The following KIAA1217 variants were observed in gnomAD, a reference collection of about 807,000 sequenced individuals.
The protein encoded by KIAA1217 is sickle tail protein homolog.
KIAA1217 carries 88 observed loss-of-function variants against 163.9 expected under a neutral mutation model. The ratio of observed to expected loss-of-function variants is 0.54; its 90% CI spans 0.45 to 0.64. The LOEUF (loss-of-function observed/expected upper bound fraction) is 0.64. Ranked by LOEUF, KIAA1217 falls within the 30% of genes least tolerant of loss-of-function variation. KIAA1217 has a pLI of 0.00. For synonymous variants in KIAA1217, 903 were observed against 923.1 expected (o/e 0.98, Z 0.39); for missense variants, 2,372 against 2,475.0 (o/e 0.96, Z 0.88).
chr10:24,065,333 G>T (rs1303523388), intron 2 of KIAA1217, among the ~76,000 whole-genome samples: 1 of 152,000 alleles, frequency 6.6e-6, no homozygotes, highest in Admixed American at 6.6e-5. Context: ...AGAGATTCTG[G>T]TATGTTGTGT....
chr10:23,945,485 A>G (rs1299756257), intron 1 of KIAA1217, among the ~76,000 whole-genome samples: 3 of 152,210 alleles, frequency 2.0e-5, no homozygotes, highest in African/African-American at 7.2e-5. Context: ...TTGATTGCAC[A>G]GGGACATAAG....
intron 2 of KIAA1217, among the ~76,000 whole-genome samples, chr10:24,370,897 C>T (rs998836919): frequency 1.3e-5 from 2 of 152,166 alleles, no homozygotes; most frequent in Middle Eastern, 3.4e-3. Context: ...AATTTTGTAT[C>T]GGCAAAACGA....
intron 1 of KIAA1217, among the ~76,000 whole-genome samples, chr10:23,940,487 A>G (rs1843722994): frequency 6.6e-6 from 1 of 151,404 alleles, no homozygotes; most frequent in South Asian, 2.1e-4. Flanking sequence ...AAAAAAAAGA[A>G]AAAAGAAAAA....
At chr10:23,936,571 G>C (rs1427035605) in intron 1 of KIAA1217, among the ~76,000 whole-genome samples, 1 of 152,084 alleles carries the variant, frequency 6.6e-6, no homozygotes, top group Non-Finnish European at 1.5e-5. Context: ...AGAGAAGAAG[G>C]CTGTGTAATG....
chr10:24,184,830 T>C (rs1038058121), intron 2 of KIAA1217, among the ~76,000 whole-genome samples: 2 of 152,200 alleles, frequency 1.3e-5, no homozygotes, highest in Non-Finnish European at 2.9e-5. Flanking sequence ...TCAAACCAGA[T>C]GAGGTCTTTA....
intron 3 of KIAA1217, among the ~76,000 whole-genome samples, chr10:24,405,880 A>G (rs1196021593): frequency 6.6e-6 from 1 of 152,178 alleles, no homozygotes; most frequent in African/African-American, 2.4e-5. Context: ...CATAATGAAT[A>G]TGGAAATAAT....
intron 1 of KIAA1217, among the ~76,000 whole-genome samples, chr10:23,790,380 T>TATATAC (rs1301174246): frequency 2.5e-5 from 2 of 81,238 alleles, no homozygotes; most frequent in Non-Finnish European, 4.9e-5. Context: ...TACATATGTA[T>TATATAC]ATATACATAT....
intron 5 of KIAA1217, among the ~76,000 whole-genome samples, chr10:24,470,263 G>A (rs947351245): frequency 8.5e-5 from 13 of 152,128 alleles, no homozygotes; most frequent in African/African-American, 2.7e-4. Flanking sequence ...GATCCGTGTC[G>A]CTCTCCTGCA....
chr10:23,864,878 G>A (rs1475539374), intron 1 of KIAA1217, among the ~76,000 whole-genome samples: 2 of 152,090 alleles, frequency 1.3e-5, no homozygotes, highest in South Asian at 4.1e-4. Flanking sequence ...GCAGTCTGGA[G>A]GTAGAATTCC....
At chr10:23,867,191 C>T (rs1471621570) in intron 1 of KIAA1217, among the ~76,000 whole-genome samples, 1 of 152,090 alleles carries the variant, frequency 6.6e-6, no homozygotes, top group Non-Finnish European at 1.5e-5. Context: ...CATCATTTTT[C>T]ATGACTGCAT....
At chr10:24,202,440 A>G (rs1473857812) in intron 2 of KIAA1217, among the ~76,000 whole-genome samples, 1 of 152,110 alleles carries the variant, frequency 6.6e-6, no homozygotes, top group South Asian at 2.1e-4. Flanking sequence ...CCAGGACTCC[A>G]AGACACCAGT....
At chr10:24,243,643 A>AATATAT (rs575219004) in intron 2 of KIAA1217, among the ~76,000 whole-genome samples, 93 of 136,318 alleles carry the variant, frequency 6.8e-4, no homozygotes, top group African/African-American at 2.2e-3. Context: ...TATATACAGG[A>AATATAT]ATATATATAT....
At position 23,722,075 on chromosome 10, in the gene KIAA1217, A is replaced by G. The variant is rs574829386; in HGVS notation, c.-321+26841A>G. Among the ~76,000 whole-genome samples, 3 of 152,330 alleles carry G rather than the reference A, an allele frequency of 2.0e-5. No individual in the cohort carries two copies. The South Asian group carries it at 6.2e-4, about 32-fold the overall frequency. ...GAACCTCGAAAAACTTATGCAAAGTAAAATAAGCCAGGCACAGAAAGACAA... is the reference window on the plus strand; with the variant it reads ...GAACCTCGAAAAACTTATGCAAAGTGAAATAAGCCAGGCACAGAAAGACAA... On this transcript the variant is annotated intron_variant, in intron 1 of 18. Transcript: ENST00000376462.
At chr10:23,721,371 A>G (rs9943350) in intron 1 of KIAA1217, among the ~76,000 whole-genome samples, 3,534 of 152,260 alleles carry the variant, frequency 0.023, 134 homozygotes, top group African/African-American at 0.08. Context: ...CACCTGACTG[A>G]CTCTGATGGA....
intron 2 of KIAA1217, among the ~76,000 whole-genome samples, chr10:24,283,673 T>G (rs1366549030): frequency 6.6e-6 from 1 of 151,954 alleles, no homozygotes; most frequent in African/African-American, 2.4e-5. Context: ...CTCAAAAAAA[T>G]AATTAAAAAA....
intron 1 of KIAA1217, among the ~76,000 whole-genome samples, chr10:23,710,623 A>G (rs1837189761): frequency 6.6e-6 from 1 of 152,198 alleles, no homozygotes; most frequent in Non-Finnish European, 1.5e-5. Flanking sequence ...TTTGGTGTCA[A>G]GTGTTGAAAG....
At position 24,524,536 on chromosome 10, in the gene KIAA1217, C is replaced by T. The variant is rs1006761749; in HGVS notation, c.2670C>T (p.Ser890=). The change falls in exon 13 of 21, where the codon TCC becomes TCT. Residue 890 remains serine (S), a synonymous_variant. Transcript: ENST00000376454. The stretch of plus-strand genomic sequence containing the variant: ...TGATGGTTCGCCACGCGCAGAGCTC[C>T]CCTGTGGTCATCCAGCCCTCCCAGC... ...SGMMVRHAQS[S]PVVIQPSQHS... is the part of the protein sequence containing the mutation. 2 of 1,614,018 alleles carry T rather than the reference C, an allele frequency of 1.2e-6. No individual in the cohort carries two copies. The highest frequency in any genetic ancestry group is 3.3e-5 in the Admixed American group (2 of 60,014).
intron 1 of KIAA1217, among the ~76,000 whole-genome samples, chr10:23,963,942 G>T: frequency 6.8e-6 from 1 of 146,562 alleles, no homozygotes. Flanking sequence ...TCACCAGGCT[G>T]GAGTGCAGTA....
In KIAA1217 at chr10:24,384,675, G is replaced by T. The variant is rs927222594; in HGVS notation, c.553+3608G>T. Among the ~76,000 whole-genome samples, 7 of 40,796 alleles carry T rather than the reference G, an allele frequency of 1.7e-4. No homozygotes were observed. The African/African-American group carries it at 3.3e-3, about 19-fold the overall frequency. 26.8% of individuals were successfully genotyped at this position (40,796 alleles called of 152,430 possible). ...CCTCAGCCTCCTGAGTAGCTGGGAC[G>T]CAGGTGCCTGCCACCATGCCTGGCT... On this transcript the variant is annotated intron_variant, in intron 3 of 20. Transcript: ENST00000376454.
Sources: allele counts gnomAD v4.1 joint callset (sites outside exome capture counted in the v4.1 genomes callset), GRCh38; gene constraint gnomAD v4.1.1; transcripts MANE v1.5; gene names NCBI Gene and HGNC (gene_info 2026-07-23, HGNC 2026-07-21).